Variants in CNTNAP4 observed in about 807,000 individuals in gnomAD.
CNTNAP4 encodes the protein contactin-associated protein-like 4.
In CNTNAP4, 98 loss-of-function variants were observed where a neutral mutation model predicts 148.4. The observed-to-expected ratio is 0.66, with a 90% CI of 0.56 to 0.78. The LOEUF (loss-of-function observed/expected upper bound fraction) is 0.78, where lower values mean the gene tolerates loss of function less well. CNTNAP4 is among the 30% of genes least tolerant of loss of function. CNTNAP4 has a pLI of 0.00. For synonymous variants in CNTNAP4, 730 were observed against 565.1 expected (o/e 1.29, Z -4.14); for missense variants, 1,935 against 1,565.6 (o/e 1.24, Z -3.98).
At chr16:76,324,920 G>A (rs916664022) in intron 2 of CNTNAP4, among the ~76,000 whole-genome samples, 1 of 152,148 alleles carries the variant, frequency 6.6e-6, no homozygotes, top group South Asian at 2.1e-4. Context: ...CTGGGGATTA[G>A]GGCTTCAGCC....
chr16:76,383,125 A>T (rs200670493), intron 3 of CNTNAP4, among the ~76,000 whole-genome samples: 18 of 137,894 alleles, frequency 1.3e-4, no homozygotes, highest in Admixed American at 7.4e-5. Context: ...TTTTTTTTTT[A>T]ATTACTAAAC....
At chr16:76,345,491 G>A (rs754748459) in intron 2 of CNTNAP4, among the ~76,000 whole-genome samples, 1 of 152,240 alleles carries the variant, frequency 6.6e-6, no homozygotes, top group Non-Finnish European at 1.5e-5. Flanking sequence ...GAGAGGGATT[G>A]AACTCAATTC....
intron 3 of CNTNAP4, among the ~76,000 whole-genome samples, chr16:76,420,235 T>C (rs2079134783): frequency 6.6e-6 from 1 of 151,944 alleles, no homozygotes; most frequent in Non-Finnish European, 1.5e-5. Context: ...ATAATGTATA[T>C]TCTGTAGAAT....
At chr16:76,293,678 T>C (rs1305842774) in intron 1 of CNTNAP4, among the ~76,000 whole-genome samples, 1 of 152,196 alleles carries the variant, frequency 6.6e-6, no homozygotes, top group Non-Finnish European at 1.5e-5. Context: ...GTTTTATAGC[T>C]CTTTGCTTGG....
intron 23 of CNTNAP4, among the ~76,000 whole-genome samples, chr16:76,556,718 T>C (rs1017494940): frequency 6.6e-6 from 1 of 152,202 alleles, no homozygotes; most frequent in Non-Finnish European, 1.5e-5. Flanking sequence ...AATATTCTGA[T>C]TAAAGTTATT....
Position 76,343,780 on chromosome 16 carries a change from C to A in CNTNAP4, c.197-11538C>A, listed in dbSNP as rs954578689. On this transcript the variant is annotated intron_variant, in intron 2 of 23. Transcript: ENST00000611870. ...GATGAGGTAAAGAAATCATTTAAAA[C>A]ACGTGTAATAATCAAGAATAAGGCA... Among the ~76,000 whole-genome samples, 34 of 151,738 alleles carry A rather than the reference C, an allele frequency of 2.2e-4. No individual in the cohort carries two copies. In the East Asian group the frequency reaches 5.8e-3, roughly 26 times the overall value.
At chr16:76,496,206 C>T (rs2082397638) in intron 14 of CNTNAP4, among the ~76,000 whole-genome samples, 1 of 151,624 alleles carries the variant, frequency 6.6e-6, no homozygotes. Context: ...CAAATTTCTA[C>T]TCCCTTTGGA....
chr16:76,522,696 CTTTTCTTTTCTTTTCTTTTCTT>C lies in CNTNAP4; in HGVS notation c.2755+442_2755+463del, dbSNP rs1568497290. On this transcript the variant is annotated intron_variant, in intron 17 of 23. Transcript: ENST00000611870. ...TTTCTCTCTTTCTCTCCTTTCTTTTCTTTTCTTTTCTTTTCTTTTCTTTTCTTTTCTTTTCTTTTCTTTTCTT... is the reference window on the plus strand; with the variant it reads ...TTTCTCTCTTTCTCTCCTTTCTTTTCTTCTTTTCTTTTCTTTTCTTTTCTT... Among the ~76,000 whole-genome samples the C allele has an allele frequency of 4.4e-3, 116 of 26,192 alleles. 4 individuals are homozygous for C. Among genetic ancestry groups the C allele is most frequent in the African/African-American group, 0.012 (58 of 4,652 alleles). 17.2% of individuals were successfully genotyped at this position (26,192 alleles called of 152,430 possible).
At chr16:76,552,005 G>A (rs1248145151) in intron 21 of CNTNAP4, among the ~76,000 whole-genome samples, 4 of 152,146 alleles carry the variant, frequency 2.6e-5, no homozygotes, top group South Asian at 2.1e-4. Context: ...GGAAAGAGGT[G>A]TAATCAACAC....
intron 4 of CNTNAP4, among the ~76,000 whole-genome samples, chr16:76,444,003 T>C (rs2080143197): frequency 6.6e-6 from 1 of 152,172 alleles, no homozygotes; most frequent in Non-Finnish European, 1.5e-5. Context: ...TAACTTCCAT[T>C]CAAATACAGA....
At chr16:76,432,710 A>G (rs2079653472) in intron 4 of CNTNAP4, 1 of 152,196 alleles carries the variant, frequency 6.6e-6, no homozygotes, top group Admixed American at 6.5e-5. Flanking sequence ...ATGTTCTTTA[A>G]TTGTGGATGA....
chr16:76,475,158 C>T (rs1476674822), intron 10 of CNTNAP4, among the ~76,000 whole-genome samples: 2 of 150,396 alleles, frequency 1.3e-5, no homozygotes, highest in Non-Finnish European at 2.9e-5. Context: ...ACTGGGGCAA[C>T]AGAGTGAGCA....
intron 2 of CNTNAP4, among the ~76,000 whole-genome samples, chr16:76,352,146 A>G (rs886348366): frequency 1.3e-5 from 2 of 152,138 alleles, no homozygotes; most frequent in Non-Finnish European, 2.9e-5. Context: ...CTTGTAAACA[A>G]AAAAAATGAC....
intron 2 of CNTNAP4, among the ~76,000 whole-genome samples, chr16:76,345,498 A>G (rs913783385): frequency 2.0e-5 from 3 of 152,242 alleles, no homozygotes; most frequent in Admixed American, 6.5e-5. Flanking sequence ...ATTGAACTCA[A>G]TTCCATTGAA....
intron 12 of CNTNAP4, among the ~76,000 whole-genome samples, chr16:76,480,370 G>C (rs914514676): frequency 6.6e-6 from 1 of 152,000 alleles, no homozygotes; most frequent in Non-Finnish European, 1.5e-5. Context: ...TCAAACACAT[G>C]GTAGTAAATG....
At chr16:76,304,701 AC>A (rs1489648486) in intron 1 of CNTNAP4, among the ~76,000 whole-genome samples, 2 of 152,192 alleles carry the variant, frequency 1.3e-5, no homozygotes, top group African/African-American at 4.8e-5. Flanking sequence ...GTGTGTCGCC[AC>A]ATCCGCCTTC....
At chr16:76,477,107 A>C (rs2081613645) in intron 11 of CNTNAP4, among the ~76,000 whole-genome samples, 1 of 152,190 alleles carries the variant, frequency 6.6e-6, no homozygotes, top group Non-Finnish European at 1.5e-5. Flanking sequence ...CTATTTGTTC[A>C]AGGCTACTTA....
At chr16:76,497,459 C>G (rs183490153) in intron 14 of CNTNAP4, among the ~76,000 whole-genome samples, 3 of 151,908 alleles carry the variant, frequency 2.0e-5, no homozygotes, top group Admixed American at 2.0e-4. Context: ...ATGGAATAAA[C>G]CAAGAGGAGG....
rs139398275 is a variant in CNTNAP4, at chr16:76,527,268, C to G, written c.2755+5011C>G. Among the ~76,000 whole-genome samples, 352 of 152,258 alleles carry G rather than the reference C, an allele frequency of 2.3e-3. 4 individuals carry two copies. Among genetic ancestry groups the G allele is most frequent in the African/African-American group, 7.8e-3 (322 of 41,548 alleles). ...ATGTCATATGTAGAAGGACCCTTCTCCCATTCCCTCGCATATTAATACCCT... is the reference window on the plus strand; with the variant it reads ...ATGTCATATGTAGAAGGACCCTTCTGCCATTCCCTCGCATATTAATACCCT... On this transcript the variant is annotated intron_variant, in intron 17 of 23. Coordinates refer to ENST00000611870, the MANE Select transcript of CNTNAP4 (RefSeq NM_033401.5).
Sources: allele counts gnomAD v4.1 joint callset (sites outside exome capture counted in the v4.1 genomes callset), GRCh38; gene constraint gnomAD v4.1.1; transcripts MANE v1.5; gene names NCBI Gene and HGNC (gene_info 2026-07-23, HGNC 2026-07-21).